MECOM: variants seen among roughly 807,000 people sequenced by gnomAD.
MECOM encodes the protein MDS1 and EVI1 complex locus.
Under a neutral mutation model 116.3 loss-of-function variants are expected in MECOM, and 13 were observed. The ratio of observed to expected loss-of-function variants is 0.11; its 90% CI spans 0.07 to 0.18. The LOEUF is 0.18. Ranked by LOEUF, MECOM falls within the 10% of genes least tolerant of loss-of-function variation. MECOM has a pLI of 1.00. For missense variants in MECOM, 1,299 were observed against 1,509.0 expected (o/e 0.86, Z 2.31); for synonymous variants, 528 against 535.2 (o/e 0.99, Z 0.19).
chr3:169,585,503 T>C (rs2109582503), intron 1 of MECOM, among the ~76,000 whole-genome samples: 1 of 152,330 alleles, frequency 6.6e-6, no homozygotes. Context: ...AAGAGATGTA[T>C]ATTTCTCCTC....
chr3:169,331,816 A>G (rs1722767403), intron 2 of MECOM, among the ~76,000 whole-genome samples: 1 of 152,148 alleles, frequency 6.6e-6, no homozygotes, highest in Admixed American at 6.6e-5. Flanking sequence ...AATTGCCTAT[A>G]CATGCACACA....
intron 2 of MECOM, among the ~76,000 whole-genome samples, chr3:169,256,236 T>A (rs1386545495): frequency 6.6e-6 from 1 of 152,034 alleles, no homozygotes; most frequent in Non-Finnish European, 1.5e-5. Flanking sequence ...AGGCAGTATA[T>A]ACTGTATAAT....
At chr3:169,249,294 C>T (rs533697487) in intron 2 of MECOM, among the ~76,000 whole-genome samples, 1 of 152,186 alleles carries the variant, frequency 6.6e-6, no homozygotes, top group Non-Finnish European at 1.5e-5. Context: ...GCATCCAAAT[C>T]ATCCCTAGAC....
At chr3:169,382,726 G>A (rs550592429) in intron 1 of MECOM, among the ~76,000 whole-genome samples, 8 of 151,620 alleles carry the variant, frequency 5.3e-5, no homozygotes, top group South Asian at 4.2e-4. Context: ...GGTGGTATGC[G>A]CCTGTAGTCC....
chr3:169,571,596 A>G (rs1763914837), intron 1 of MECOM, among the ~76,000 whole-genome samples: 1 of 152,216 alleles, frequency 6.6e-6, no homozygotes, highest in Non-Finnish European at 1.5e-5. Context: ...AAACTATACT[A>G]CAAGGCTACA....
intron 16 of MECOM, chr3:169,086,642 AG>A (rs1432294542): frequency 3.9e-5 from 27 of 696,290 alleles, no homozygotes; most frequent in African/African-American, 3.7e-4. Context: ...ACTTACATAA[AG>A]TGTTTAGCTC....
intron 13 of MECOM, among the ~76,000 whole-genome samples, chr3:169,094,469 A>G (rs1179985045): frequency 6.6e-6 from 1 of 152,234 alleles, no homozygotes; most frequent in African/African-American, 2.4e-5. Flanking sequence ...ATGTGCTGGC[A>G]AGGTCCCAGT....
intron 2 of MECOM, among the ~76,000 whole-genome samples, chr3:169,371,267 C>G (rs989958338): frequency 1.1e-4 from 17 of 151,810 alleles, no homozygotes; most frequent in African/African-American, 3.4e-4. Flanking sequence ...CACAAAAAGA[C>G]AAATACTGCA....
chr3:169,167,751 A>G (rs1399217048), intron 2 of MECOM, among the ~76,000 whole-genome samples: 1 of 152,094 alleles, frequency 6.6e-6, no homozygotes, highest in Non-Finnish European at 1.5e-5. Flanking sequence ...TATGTTTGAC[A>G]TATACACATA....
At chr3:169,085,321 T>C (rs1485654885) in intron 16 of MECOM, among the ~76,000 whole-genome samples, 2 of 152,008 alleles carry the variant, frequency 1.3e-5, no homozygotes, top group African/African-American at 4.8e-5. Context: ...AATGAGTCAG[T>C]CTCCTGTTCA....
intron 2 of MECOM, among the ~76,000 whole-genome samples, chr3:169,270,675 G>A (rs1758833939): frequency 6.6e-6 from 1 of 152,026 alleles, no homozygotes. Flanking sequence ...ATTCAGTAGG[G>A]TTTTTGTTGT....
At chr3:169,198,695 T>C (rs1457473831) in intron 2 of MECOM, among the ~76,000 whole-genome samples, 1 of 152,018 alleles carries the variant, frequency 6.6e-6, no homozygotes, top group Non-Finnish European at 1.5e-5. Flanking sequence ...CCCCATAAAA[T>C]TTTTAGTTCA....
At chr3:169,339,099 G>A (rs1249948534) in intron 2 of MECOM, among the ~76,000 whole-genome samples, 3 of 152,130 alleles carry the variant, frequency 2.0e-5, no homozygotes, top group Non-Finnish European at 4.4e-5. Context: ...AAATAATGTA[G>A]GTCGTTAGCA....
At chr3:169,182,297 T>C (rs1559961568) in intron 2 of MECOM, among the ~76,000 whole-genome samples, 1 of 152,228 alleles carries the variant, frequency 6.6e-6, no homozygotes, top group Non-Finnish European at 1.5e-5. Context: ...CTCTTCTTTG[T>C]GGTGTTCGTT....
chr3:169,274,193 T>G (rs1026138023), intron 2 of MECOM, among the ~76,000 whole-genome samples: 1 of 152,178 alleles, frequency 6.6e-6, no homozygotes, highest in Non-Finnish European at 1.5e-5. Context: ...ATTACAGGCA[T>G]GAGGCACTGT....
chr3:169,630,708 T>G (rs893957560), intron 1 of MECOM, among the ~76,000 whole-genome samples: 4 of 152,234 alleles, frequency 2.6e-5, no homozygotes, highest in African/African-American at 9.6e-5. Flanking sequence ...GACATGGAAC[T>G]ACAAGGCTGT....
chr3:169,235,474 T>C (rs1753915759), intron 2 of MECOM, among the ~76,000 whole-genome samples: 1 of 152,034 alleles, frequency 6.6e-6, no homozygotes. Context: ...TAATGACAAA[T>C]GCACATGCAT....
At chr3:169,378,178 G>C (rs915087098) in intron 2 of MECOM, among the ~76,000 whole-genome samples, 14 of 151,540 alleles carry the variant, frequency 9.2e-5, no homozygotes, top group African/African-American at 3.4e-4. Context: ...GTCAGGGGGT[G>C]GGGGGCTAGG....
Position 169,239,758 on chromosome 3 carries a change from T to A in MECOM, c.376-95926A>T, listed in dbSNP as rs181112048. 1.3e-3 allele frequency among the ~76,000 whole-genome samples: 201 copies of A among 152,182 alleles called. 3 individuals carry two copies. The highest frequency in any genetic ancestry group is 2.3e-3 in the Non-Finnish European group (155 of 67,976). On this transcript the variant is annotated intron_variant, in intron 2 of 16. Coordinates refer to ENST00000651503, the MANE Select transcript of MECOM (RefSeq NM_004991.4). ...AGAAACCTCAGTTACATTTTAAAAA[T>A]TACAAGGAAATTAGTAACAGAAACA...
Sources: gnomAD v4.1 joint callset for allele counts (sites outside exome capture counted in the v4.1 genomes callset) on GRCh38, gnomAD v4.1.1 for gene constraint, MANE v1.5 for transcripts, NCBI Gene and HGNC (gene_info 2026-07-23, HGNC 2026-07-21) for gene names.